RABEPK: variants seen among roughly 807,000 people sequenced by gnomAD.
The protein encoded by RABEPK is 40 kDa Rab9 effector protein.
A neutral mutation model predicts 34.1 loss-of-function variants in RABEPK; 27 were observed. The ratio of observed to expected loss-of-function variants is 0.79; its 90% CI spans 0.58 to 1.09. RABEPK has a LOEUF of 1.09. Among genes scored for constraint, RABEPK ranks in the 50% least tolerant of loss-of-function variants. RABEPK has a pLI of 0.00. For synonymous variants in RABEPK, 172 were observed against 169.2 expected (o/e 1.02, Z -0.13); for missense variants, 449 against 462.6 (o/e 0.97, Z 0.27).
chr9:125,214,792 C>CTTTT (rs34203731), intron 4 of RABEPK, among the ~76,000 whole-genome samples: 1 of 138,910 alleles, frequency 7.2e-6, no homozygotes, highest in Admixed American at 7.4e-5. Context: ...AATTTTCTGT[C>CTTTT]TTTTTTTTTT....
intron 3 of RABEPK, among the ~76,000 whole-genome samples, chr9:125,209,649 C>T (rs1451407347): frequency 6.6e-6 from 1 of 151,902 alleles, no homozygotes; most frequent in African/African-American, 2.4e-5. Context: ...CGAGCCCGGC[C>T]CCAACCTCAT....
At chr9:125,225,129 A>G (rs1309775252) in intron 5 of RABEPK, among the ~76,000 whole-genome samples, 1 of 152,184 alleles carries the variant, frequency 6.6e-6, no homozygotes, top group Non-Finnish European at 1.5e-5. Flanking sequence ...TGACACCTGC[A>G]ATCCCAGCAC....
intron 4 of RABEPK, among the ~76,000 whole-genome samples, chr9:125,216,966 C>CAAA (rs564126096): frequency 1.4e-5 from 1 of 72,356 alleles, no homozygotes. Flanking sequence ...GACACCGTCT[C>CAAA]AAAAAAAAAA....
chr9:125,210,427 A>C (rs1479387512), intron 3 of RABEPK, among the ~76,000 whole-genome samples: 2 of 139,156 alleles, frequency 1.4e-5, no homozygotes, highest in African/African-American at 5.4e-5. Flanking sequence ...AAAAAAAAGG[A>C]AATGATTATT....
At chr9:125,217,157 C>T (rs1191413898) in intron 4 of RABEPK, among the ~76,000 whole-genome samples, 2 of 152,030 alleles carry the variant, frequency 1.3e-5, no homozygotes, top group African/African-American at 2.4e-5. Context: ...CCTCTGTTTT[C>T]TGTCACATTG....
chr9:125,209,374 G>T (rs1830445355), intron 3 of RABEPK, among the ~76,000 whole-genome samples: 1 of 147,520 alleles, frequency 6.8e-6, no homozygotes, highest in Non-Finnish European at 1.5e-5. Flanking sequence ...TTTTGAGGCA[G>T]CGTGTCGCTC....
chr9:125,226,245 A>C (rs951180404), intron 5 of RABEPK, among the ~76,000 whole-genome samples: 2 of 150,980 alleles, frequency 1.3e-5, no homozygotes, highest in Non-Finnish European at 2.9e-5. Flanking sequence ...TGAACCTGGG[A>C]GGTGGAGGTT....
At chr9:125,220,964 C>T (rs757947928) in intron 5 of RABEPK, 4 of 322,648 alleles carry the variant, frequency 1.2e-5, no homozygotes, top group South Asian at 9.4e-5. Flanking sequence ...GTCAGGAGTT[C>T]GAGAACAGCC....
intron 3 of RABEPK, among the ~76,000 whole-genome samples, chr9:125,209,867 G>C (rs181617913): frequency 1.3e-5 from 2 of 152,032 alleles, no homozygotes; most frequent in Admixed American, 1.3e-4. Context: ...GTTACCTCTG[G>C]ACTCGTTCAG....
intron 3 of RABEPK, among the ~76,000 whole-genome samples, chr9:125,208,133 AAAAG>A (rs1588336832): frequency 6.6e-6 from 1 of 152,096 alleles, no homozygotes; most frequent in Non-Finnish European, 1.5e-5. Flanking sequence ...GTCTCAAAAA[AAAAG>A]AAAAAAGAAA....
chr9:125,213,078 A>G (rs1407823086), intron 3 of RABEPK, among the ~76,000 whole-genome samples: 2 of 152,128 alleles, frequency 1.3e-5, no homozygotes, highest in African/African-American at 2.4e-5. Flanking sequence ...GCTACCTTCA[A>G]CCCAATCAGC....
intron 5 of RABEPK, among the ~76,000 whole-genome samples, chr9:125,226,725 G>A (rs914687182): frequency 1.3e-5 from 2 of 151,848 alleles, no homozygotes; most frequent in East Asian, 1.9e-4. Context: ...TTAGCTGGGG[G>A]TGGTGGCATG....
At chr9:125,225,536 A>G (rs982041192) in intron 5 of RABEPK, among the ~76,000 whole-genome samples, 1 of 152,064 alleles carries the variant, frequency 6.6e-6, no homozygotes, top group Non-Finnish European at 1.5e-5. Context: ...ATATGAAAAA[A>G]TTTAGGATGG....
chr9:125,223,242 A>C (rs1831481746), intron 5 of RABEPK, among the ~76,000 whole-genome samples: 1 of 151,920 alleles, frequency 6.6e-6, no homozygotes, highest in Non-Finnish European at 1.5e-5. Flanking sequence ...AGGTCAGGTA[A>C]TCCTGGGCAA....
At chr9:125,227,483 G>A (rs954821884) in intron 5 of RABEPK, among the ~76,000 whole-genome samples, 12 of 151,468 alleles carry the variant, frequency 7.9e-5, no homozygotes, top group Non-Finnish European at 1.8e-4. Context: ...ATGCAATGGC[G>A]CAATCTCGGC....
chr9:125,227,478 A>G (rs915403749), intron 5 of RABEPK, among the ~76,000 whole-genome samples: 4 of 151,610 alleles, frequency 2.6e-5, no homozygotes, highest in African/African-American at 9.7e-5. Context: ...CTGGAATGCA[A>G]TGGCGCAATC....
intron 1 of RABEPK, among the ~76,000 whole-genome samples, chr9:125,201,825 C>T (rs1037527224): frequency 6.6e-6 from 1 of 151,754 alleles, no homozygotes; most frequent in Non-Finnish European, 1.5e-5. Context: ...CCATGTTGGC[C>T]AGGATGGTAT....
intron 4 of RABEPK, among the ~76,000 whole-genome samples, chr9:125,216,892 G>A (rs1830964372): frequency 1.3e-5 from 2 of 151,892 alleles, no homozygotes; most frequent in South Asian, 4.2e-4. Flanking sequence ...GCTTGAACCT[G>A]GGAGGTGGAG....
intron 4 of RABEPK, 64 bp downstream of exon 4, chr9:125,213,586 C>T (rs563427128): frequency 5.7e-5 from 72 of 1,252,662 alleles, no homozygotes; most frequent in Middle Eastern, 1.9e-4. Context: ...CACACACACA[C>T]ATATATATAA....
Sources: allele counts gnomAD v4.1 joint callset (sites outside exome capture counted in the v4.1 genomes callset), GRCh38; gene constraint gnomAD v4.1.1; transcripts MANE v1.5; gene names NCBI Gene and HGNC (gene_info 2026-07-23, HGNC 2026-07-21).